The following MSH4 variants were observed in gnomAD, a reference collection of about 807,000 sequenced individuals.
MSH4 encodes the protein mutS homolog 4.
Under a neutral mutation model 113.7 loss-of-function variants are expected in MSH4, and 106 were observed. That is an observed-to-expected ratio of 0.93 (90% confidence interval 0.80 to 1.10). The LOEUF (loss-of-function observed/expected upper bound fraction) is 1.10, where lower values mean the gene tolerates loss of function less well. Ranked by LOEUF, MSH4 falls within the 50% of genes least tolerant of loss-of-function variation. The probability of loss-of-function intolerance (pLI) is 0.00; values close to 1 mark genes in which losing one functional copy is unlikely to be tolerated. For missense variants in MSH4, 1,061 were observed against 1,093.7 expected (o/e 0.97, Z 0.42); for synonymous variants, 368 against 380.2 (o/e 0.97, Z 0.37).
Position 75,873,959 on chromosome 1 carries a change from A to G in MSH4, c.1306-2977A>G, listed in dbSNP as rs1651764628. Among the ~76,000 whole-genome samples, 5 of 152,088 alleles carry G rather than the reference A, an allele frequency of 3.3e-5. No individual in the cohort carries two copies. In the South Asian group the frequency reaches 1.0e-3, roughly 32 times the overall value. ...CCCAGCAATGGGATTGTTGGGTCGA[A>G]TGGTATCTCTGTTTTCAGCTCTTTG... On this transcript the variant is annotated intron_variant, in intron 9 of 19. Transcript: ENST00000263187.
rs1651985016 is a variant in MSH4 at position 75,883,710 on chromosome 1, A to C, written c.1996A>C (p.Asn666His). ...ATCTGCGGAAAAACCTATTGCCAAC[A>C]ATACCTATGTTACAGAAGGGAGTAA... Reference protein sequence around the residue: ...KISAEKPIANNTYVTEGSNFL... With the variant: ...KISAEKPIANHTYVTEGSNFL... The change falls in exon 15 of 20, where the codon AAT becomes CAT. Residue 666 changes from asparagine (N) to histidine (H), a missense_variant. By Grantham distance (68) the Asn-to-His change is moderately conservative (BLOSUM62 1). Transcript: ENST00000263187. 2 of 1,613,446 alleles carry C rather than the reference A, an allele frequency of 1.2e-6. No individual in the cohort carries two copies. Among genetic ancestry groups the C allele is most frequent in the African/African-American group, 2.7e-5 (2 of 75,022 alleles).
chr1:75,807,176 G>A (rs768549980), intron 3 of MSH4, 35 bp downstream of exon 3: 1 of 1,468,930 alleles, frequency 6.8e-7, no homozygotes, highest in Non-Finnish European at 9.0e-7. Flanking sequence ...TGGTTGCTCT[G>A]TTAGGCAGTA....
chr1:75,825,489 T>G (rs1650526681), intron 7 of MSH4, among the ~76,000 whole-genome samples: 1 of 152,180 alleles, frequency 6.6e-6, no homozygotes, highest in Non-Finnish European at 1.5e-5. Context: ...GGCCAGAACT[T>G]CCAATACTAT....
chr1:75,857,117 C>G (rs1651337016), intron 8 of MSH4, among the ~76,000 whole-genome samples: 1 of 152,070 alleles, frequency 6.6e-6, no homozygotes, highest in Non-Finnish European at 1.5e-5. Context: ...TATCCTTTGC[C>G]CATTTTTTGA....
intron 9 of MSH4, among the ~76,000 whole-genome samples, chr1:75,871,981 T>C (rs760530807): frequency 1.3e-5 from 2 of 152,228 alleles, no homozygotes; most frequent in Non-Finnish European, 2.9e-5. Flanking sequence ...TTAAAAATTT[T>C]AGATGCTCCA....
At chr1:75,839,816 T>A (rs1352250983) in intron 7 of MSH4, among the ~76,000 whole-genome samples, 1 of 145,572 alleles carries the variant, frequency 6.9e-6, no homozygotes, top group African/African-American at 2.5e-5. Flanking sequence ...TCCAACAAAT[T>A]TACAAGAAAA....
intron 1 of MSH4, among the ~76,000 whole-genome samples, chr1:75,800,285 A>T (rs1327351579): frequency 6.6e-6 from 1 of 152,204 alleles, no homozygotes; most frequent in South Asian, 2.1e-4. Context: ...ACACCTTTGT[A>T]AATATTCTCT....
At position 75,882,869 on chromosome 1, in the gene MSH4, C is replaced by T. The variant is rs141510030; in HGVS notation, c.1907-752C>T. The stretch of plus-strand genomic sequence containing the variant: ...AATAAATACATAAATAAATGCTAAG[C>T]GTACCAAATTTGAAATAATATTAAA... On this transcript the variant is annotated intron_variant, in intron 14 of 19. Transcript: ENST00000263187. Among the ~76,000 whole-genome samples, 19 of 151,904 alleles carry T rather than the reference C, an allele frequency of 1.3e-4. No individual in the cohort carries two copies. In the East Asian group the frequency reaches 2.5e-3, roughly 20 times the overall value.
intron 7 of MSH4, among the ~76,000 whole-genome samples, chr1:75,828,916 A>C (rs1245060145): frequency 6.6e-6 from 1 of 152,156 alleles, no homozygotes; most frequent in Non-Finnish European, 1.5e-5. Flanking sequence ...CTGCATTTCC[A>C]ACTGAGGTGC....
intron 17 of MSH4, among the ~76,000 whole-genome samples, chr1:75,894,428 A>T (rs965858504): frequency 1.3e-5 from 2 of 152,206 alleles, no homozygotes; most frequent in Admixed American, 1.3e-4. Context: ...GCCTGCAGTC[A>T]CCAAGACTGA....
chr1:75,827,885 T>G (rs936121690), intron 7 of MSH4, among the ~76,000 whole-genome samples: 4 of 152,162 alleles, frequency 2.6e-5, no homozygotes, highest in Non-Finnish European at 5.9e-5. Context: ...CAAGGAGACT[T>G]AGACCCCCAC....
At chr1:75,857,980 A>C (rs1651357207) in intron 8 of MSH4, among the ~76,000 whole-genome samples, 1 of 152,306 alleles carries the variant, frequency 6.6e-6, no homozygotes, top group African/African-American at 2.4e-5. Context: ...GAGGTCCTTC[A>C]CATCCCTTGT....
chr1:75,859,690 T>G (rs185006359), intron 8 of MSH4, among the ~76,000 whole-genome samples: 2 of 152,224 alleles, frequency 1.3e-5, no homozygotes, highest in East Asian at 3.9e-4. Context: ...ATTATGTGGT[T>G]GATTTTAGAA....
intron 3 of MSH4, among the ~76,000 whole-genome samples, chr1:75,807,723 A>G (rs5745333): frequency 0.021 from 3,218 of 152,286 alleles, 116 homozygotes; most frequent in African/African-American, 0.074. Flanking sequence ...GGATTTAAGT[A>G]TAGGTGACAA....
At chr1:75,872,594 C>G (rs1275135425) in intron 9 of MSH4, among the ~76,000 whole-genome samples, 1 of 152,064 alleles carries the variant, frequency 6.6e-6, no homozygotes, top group Non-Finnish European at 1.5e-5. Flanking sequence ...TAGAAAAACA[C>G]TGCATAACAT....
At chr1:75,907,700 A>C (rs1227236523) in intron 19 of MSH4, among the ~76,000 whole-genome samples, 14 of 117,142 alleles carry the variant, frequency 1.2e-4, no homozygotes, top group Admixed American at 1.9e-4. Flanking sequence ...ATATATATAT[A>C]TATATATATA....
chr1:75,856,795 A>G (rs1219464206), intron 8 of MSH4, among the ~76,000 whole-genome samples: 1 of 152,234 alleles, frequency 6.6e-6, no homozygotes. Context: ...TCTTTTGGGT[A>G]TATGCCCAGT....
intron 14 of MSH4, among the ~76,000 whole-genome samples, chr1:75,882,235 A>G (rs914009423): frequency 6.6e-6 from 1 of 152,090 alleles, no homozygotes; most frequent in African/African-American, 2.4e-5. Flanking sequence ...AACTATTAAG[A>G]GATTTAGTCT....
intron 16 of MSH4, among the ~76,000 whole-genome samples, chr1:75,890,410 C>G (rs1022946517): frequency 6.6e-6 from 1 of 151,920 alleles, no homozygotes; most frequent in Non-Finnish European, 1.5e-5. Flanking sequence ...TAATTTATTG[C>G]ATTTTTTCAC....
Sources: gnomAD v4.1 joint callset for allele counts (sites outside exome capture counted in the v4.1 genomes callset) on GRCh38, gnomAD v4.1.1 for gene constraint, MANE v1.5 for transcripts, NCBI Gene and HGNC (gene_info 2026-07-23, HGNC 2026-07-21) for gene names.